Variants in CCNJL observed in about 807,000 individuals in gnomAD.
CCNJL encodes cyclin J like, also known as cyclin-J-like protein.
In CCNJL, 33 loss-of-function variants were observed where a neutral mutation model predicts 33.4. That is an observed-to-expected ratio of 0.99 (90% confidence interval 0.75 to 1.32). The LOEUF (loss-of-function observed/expected upper bound fraction) is 1.32. Among genes scored for constraint, CCNJL ranks in the 40% most tolerant of loss-of-function variants. CCNJL has a pLI of 0.00. For synonymous variants in CCNJL, 227 were observed against 220.9 expected, an observed-to-expected ratio of 1.03 and a Z score of -0.24; for missense variants, 512 against 499.7, an observed-to-expected ratio of 1.02 and a Z score of -0.23.
At chr5:160,327,291 A>T (rs1229030020) in intron 1 of CCNJL, among the ~76,000 whole-genome samples, 2 of 152,200 alleles carry the variant, frequency 1.3e-5, no homozygotes, top group African/African-American at 4.8e-5. Context: ...ATATTTAGTG[A>T]TAGCTACTTT....
At chr5:160,254,964 T>C (rs1363434985) in intron 5 of CCNJL, 3 of 152,262 alleles carry the variant, frequency 2.0e-5, no homozygotes, top group Middle Eastern at 3.4e-3. Flanking sequence ...TTAGATCAAA[T>C]AGCCTAGACA....
At chr5:160,256,527 G>C (rs367970986) in intron 4 of CCNJL, among the ~76,000 whole-genome samples, 1 of 152,216 alleles carries the variant, frequency 6.6e-6, no homozygotes, top group Non-Finnish European at 1.5e-5. Context: ...CTGGCCACGA[G>C]GAAAAGCTGG....
intron 3 of CCNJL, among the ~76,000 whole-genome samples, chr5:160,277,805 G>A (rs1055109365): frequency 2.0e-5 from 3 of 150,228 alleles, no homozygotes; most frequent in African/African-American, 7.5e-5. Flanking sequence ...GAGTGCAATG[G>A]CGCCATCTTG....
At position 160,278,993 on chromosome 5, in the gene CCNJL, A is replaced by G. The variant is rs1384646308; in HGVS notation, c.280+1532T>C. On this transcript the variant is annotated intron_variant, in intron 3 of 5. Transcript: ENST00000257536. Reference sequence around the variant, plus strand: ...ATCCAGTTGGCCAAAGGTAGAGAAAAATCACCAAATGTGGGGCTATGAGCC... The same window carrying G: ...ATCCAGTTGGCCAAAGGTAGAGAAAGATCACCAAATGTGGGGCTATGAGCC... Among the ~76,000 whole-genome samples the G allele has an allele frequency of 3.9e-5, 6 of 152,324 alleles. No individual in the cohort carries two copies. In the Middle Eastern group the frequency reaches 0.01, roughly 259 times the overall value.
At chr5:160,324,627 GTCTA>G (rs60714767) in intron 1 of CCNJL, among the ~76,000 whole-genome samples, 1,576 of 151,684 alleles carry the variant, frequency 0.01, 10 homozygotes, top group Non-Finnish European at 0.012. Flanking sequence ...AAAACTGTCT[GTCTA>G]TCTATCTATC....
chr5:160,253,410 G>A lies in CCNJL; in HGVS notation c.1132C>T (p.His378Tyr). 3.1e-6 allele frequency: 5 copies of A among 1,597,286 alleles called. No individual in the cohort carries two copies. The highest frequency in any genetic ancestry group is 3.4e-6 in the Non-Finnish European group (4 of 1,169,640). Residue 378 changes from histidine to tyrosine, a missense_variant, in exon 6 of 6, where the codon CAC becomes TAC. Coordinates refer to ENST00000257536, the MANE Select transcript of CCNJL (RefSeq NM_001308173.3). ...TYGSSYFSGS[H>Y]MFPTGCFDR ...TCAAAGCAGCCGGTGGGGAACATGTGGCTCCCACTGAAGTAGCTGCTTCCA... is the reference window on the plus strand; with the variant it reads ...TCAAAGCAGCCGGTGGGGAACATGTAGCTCCCACTGAAGTAGCTGCTTCCA...
Position 160,253,535 on chromosome 5 carries a change from G to T in CCNJL, c.1007C>A (p.Pro336Gln). The T allele has an allele frequency of 2.5e-6, 4 of 1,614,198 alleles. No individual in the cohort carries two copies. The highest frequency in any genetic ancestry group is 3.4e-6 in the Non-Finnish European group (4 of 1,180,038). Residue 336 changes from proline (P) to glutamine (Q), a missense_variant, in exon 6 of 6, where the codon CCG becomes CAG. Pro to Gln is a moderately conservative substitution (Grantham distance 76). Transcript: ENST00000257536. ...TGSSLHTPYQ[P>Q]LQPLDMCPVP... ...GGGACACATATCCAAGGGCTGCAGC[G>T]GTTGGTACGGGGTGTGGAGGGATGA...
chr5:160,320,480 T>C (rs934486175), intron 1 of CCNJL, among the ~76,000 whole-genome samples: 3 of 152,166 alleles, frequency 2.0e-5, no homozygotes, highest in African/African-American at 7.2e-5. Context: ...TGGAAGAAAC[T>C]TGGAGGGAGA....
chr5:160,324,979 T>A (rs1004570759), intron 1 of CCNJL, among the ~76,000 whole-genome samples: 7 of 152,178 alleles, frequency 4.6e-5, no homozygotes, highest in Non-Finnish European at 8.8e-5. Context: ...AGGTACTTGG[T>A]GTGTGTGCTC....
intron 2 of CCNJL, among the ~76,000 whole-genome samples, chr5:160,286,057 T>C (rs550692947): frequency 2.6e-4 from 40 of 152,344 alleles, no homozygotes; most frequent in Admixed American, 2.3e-3. Flanking sequence ...AGATCCTTGG[T>C]GTCTGGTGGG....
chr5:160,319,371 A>G (rs1040303924), intron 1 of CCNJL, among the ~76,000 whole-genome samples: 24 of 152,130 alleles, frequency 1.6e-4, no homozygotes, highest in African/African-American at 5.8e-4. Context: ...ATTTTTGTGG[A>G]TAAATATGAG....
chr5:160,325,645 A>G (rs1763525331), intron 1 of CCNJL, among the ~76,000 whole-genome samples: 1 of 152,118 alleles, frequency 6.6e-6, no homozygotes, highest in South Asian at 2.1e-4. Context: ...TGTCCTATTT[A>G]CTAAACAAAA....
intron 2 of CCNJL, among the ~76,000 whole-genome samples, chr5:160,298,692 G>C (rs1178519163): frequency 6.8e-6 from 1 of 147,772 alleles, no homozygotes; most frequent in African/African-American, 2.7e-5. Context: ...GCTTCTCTGA[G>C]GAAGCGATGG....
intron 3 of CCNJL, among the ~76,000 whole-genome samples, chr5:160,279,406 A>G (rs148216173): frequency 1.1e-3 from 175 of 152,366 alleles, no homozygotes; most frequent in African/African-American, 3.7e-3. Flanking sequence ...CTATAGAAGT[A>G]TAGAGGCCTG....
intron 2 of CCNJL, among the ~76,000 whole-genome samples, chr5:160,300,912 G>A (rs768591236): frequency 1.3e-5 from 2 of 152,146 alleles, no homozygotes; most frequent in Non-Finnish European, 2.9e-5. Context: ...TCCAGGGTTA[G>A]CAAAGTTGCT....
chr5:160,313,798 G>C (rs1053923820), upstream of CCNJL, among the ~76,000 whole-genome samples: 4 of 152,230 alleles, frequency 2.6e-5, no homozygotes, highest in African/African-American at 9.6e-5. Flanking sequence ...GATTGGAGGA[G>C]GGGGCACTTA....
At chr5:160,265,835 A>G (rs2113276172) in intron 3 of CCNJL, among the ~76,000 whole-genome samples, 1 of 151,230 alleles carries the variant, frequency 6.6e-6, no homozygotes, top group Non-Finnish European at 1.5e-5. Context: ...CCTGGGCGAC[A>G]GAGCGAGACT....
intron 1 of CCNJL, among the ~76,000 whole-genome samples, chr5:160,339,060 T>A (rs891975491): frequency 1.3e-5 from 2 of 152,070 alleles, no homozygotes; most frequent in African/African-American, 4.8e-5. Context: ...GTGCTGGGAT[T>A]CCAGGCATGA....
chr5:160,254,138 A>G (rs2113201086), intron 5 of CCNJL: 1 of 464,300 alleles, frequency 2.2e-6, no homozygotes. Context: ...CCTGGCTTCC[A>G]GGAGGATGGC....
Sources: gnomAD v4.1 joint callset for allele counts (sites outside exome capture counted in the v4.1 genomes callset) on GRCh38, gnomAD v4.1.1 for gene constraint, MANE v1.5 for transcripts, NCBI Gene and HGNC (gene_info 2026-07-23, HGNC 2026-07-21) for gene names.